Variants in RSPO3 observed in about 807,000 individuals in gnomAD.
The protein encoded by RSPO3 is R-spondin-3.
In RSPO3, 17 loss-of-function variants were observed where a neutral mutation model predicts 36.5. The ratio of observed to expected loss-of-function variants is 0.47; its 90% CI spans 0.32 to 0.70. RSPO3 has a LOEUF of 0.70. Among genes scored for constraint, RSPO3 ranks in the 30% least tolerant of loss-of-function variants. The probability of loss-of-function intolerance (pLI) is 0.04; values close to 1 mark genes in which losing one functional copy is unlikely to be tolerated. For missense variants in RSPO3, 294 were observed against 322.5 expected, an observed-to-expected ratio of 0.91 and a Z score of 0.68; for synonymous variants, 108 against 107.0, an observed-to-expected ratio of 1.01 and a Z score of -0.06.
intron 4 of RSPO3, among the ~76,000 whole-genome samples, chr6:127,174,521 G>GAT (rs1409457014): frequency 2.6e-5 from 4 of 151,856 alleles, no homozygotes; most frequent in African/African-American, 9.7e-5. Context: ...GATACATTAA[G>GAT]AAACTGCTTC....
chr6:127,148,847 C>T lies in RSPO3; in HGVS notation c.289+8C>T. ...ATATAAATAAGTGTACAAGTAAGTG[C>T]CCACACGAAATTGTATTTTTATCTC... On this transcript the variant is annotated splice_region_variant and intron_variant, in intron 2 of 4. Transcript: ENST00000356698. 1.9e-6 allele frequency: 3 copies of T among 1,594,952 alleles called. No homozygotes were observed. The highest frequency in any genetic ancestry group is 2.6e-6 in the Non-Finnish European group (3 of 1,167,674).
chr6:127,195,195 C>G (rs1775490055), intron 4 of RSPO3, among the ~76,000 whole-genome samples: 1 of 152,008 alleles, frequency 6.6e-6, no homozygotes, highest in Non-Finnish European at 1.5e-5. Flanking sequence ...GAGATAGAAT[C>G]TCCCTCTCTT....
chr6:127,163,201 T>C (rs1049756289), intron 4 of RSPO3, among the ~76,000 whole-genome samples: 2 of 152,090 alleles, frequency 1.3e-5, no homozygotes, highest in African/African-American at 2.4e-5. Flanking sequence ...AAAGTAAATA[T>C]TTCTCCAGCA....
rs1410182704 is a variant in RSPO3 at position 127,196,304 on chromosome 6, T to C, written c.*297T>C. The C allele has an allele frequency of 4.9e-6, 1 of 203,392 alleles. No homozygotes were observed. The highest frequency in any genetic ancestry group is 9.1e-5 in the East Asian group (1 of 11,012). 12.6% of individuals were successfully genotyped at this position (203,392 alleles called of 1,614,324 possible). On this transcript the variant is annotated 3_prime_UTR_variant, in exon 5 of 5. Coordinates refer to ENST00000356698, the MANE Select transcript of RSPO3 (RefSeq NM_032784.5). ...AAGATGTAACAACGAAATGATGACATCTGGAGAAGAAACATCTTTTCCTTA... is the reference window on the plus strand; with the variant it reads ...AAGATGTAACAACGAAATGATGACACCTGGAGAAGAAACATCTTTTCCTTA...
At chr6:127,161,214 AC>A (rs1774703788) in intron 4 of RSPO3, among the ~76,000 whole-genome samples, 2 of 152,112 alleles carry the variant, frequency 1.3e-5, no homozygotes, top group African/African-American at 2.4e-5. Flanking sequence ...GAAGACATGC[AC>A]AATTGACTCC....
chr6:127,192,592 G>A, intron 4 of RSPO3: 1 of 892,684 alleles, frequency 1.1e-6, no homozygotes. Context: ...GATTGTACTT[G>A]ACTGCTAATA....
intron 4 of RSPO3, among the ~76,000 whole-genome samples, chr6:127,185,786 T>G (rs749273946): frequency 1.3e-5 from 2 of 152,110 alleles, no homozygotes; most frequent in Non-Finnish European, 2.9e-5. Flanking sequence ...AACTAGTGCA[T>G]AACATGATGA....
At chr6:127,157,839 T>C (rs958976511) in intron 4 of RSPO3, among the ~76,000 whole-genome samples, 2 of 151,836 alleles carry the variant, frequency 1.3e-5, no homozygotes, top group Non-Finnish European at 2.9e-5. Context: ...TTGTTATTTC[T>C]CTAATCCTCC....
chr6:127,170,205 A>G (rs1774908247), intron 4 of RSPO3, among the ~76,000 whole-genome samples: 2 of 151,814 alleles, frequency 1.3e-5, no homozygotes, highest in Admixed American at 6.6e-5. Flanking sequence ...AGATGCTTAC[A>G]AGATGAGAAA....
At chr6:127,167,751 C>A (rs1415368008) in intron 4 of RSPO3, among the ~76,000 whole-genome samples, 1 of 151,914 alleles carries the variant, frequency 6.6e-6, no homozygotes, top group African/African-American at 2.4e-5. Context: ...CTAATGCTAT[C>A]CCTCCCCCAT....
At chr6:127,187,046 T>A (rs1430544037) in intron 4 of RSPO3, among the ~76,000 whole-genome samples, 1 of 152,158 alleles carries the variant, frequency 6.6e-6, no homozygotes, top group African/African-American at 2.4e-5. Context: ...TTCCATAGAC[T>A]CACGCATATT....
At chr6:127,119,968 G>C (rs1324700740) in intron 1 of RSPO3, 2 of 152,730 alleles carry the variant, frequency 1.3e-5, no homozygotes, top group Non-Finnish European at 2.9e-5. Context: ...GGGAGCCGGA[G>C]GTGCGGAGTT....
intron 1 of RSPO3, among the ~76,000 whole-genome samples, chr6:127,125,797 C>A: frequency 6.6e-6 from 1 of 152,128 alleles, no homozygotes. Flanking sequence ...TCTACCCCAT[C>A]TTGTCCTTAG....
At chr6:127,187,770 A>G (rs1240271432) in intron 4 of RSPO3, among the ~76,000 whole-genome samples, 1 of 152,200 alleles carries the variant, frequency 6.6e-6, no homozygotes, top group Non-Finnish European at 1.5e-5. Flanking sequence ...AAAGCAGTTG[A>G]TACAAGAGAA....
At chr6:127,171,190 A>G (rs1213066658) in intron 4 of RSPO3, among the ~76,000 whole-genome samples, 2 of 151,828 alleles carry the variant, frequency 1.3e-5, no homozygotes, top group African/African-American at 4.8e-5. Flanking sequence ...AGTTATAATC[A>G]TGGTAAAATC....
At chr6:127,194,372 G>C (rs570284643) in intron 4 of RSPO3, among the ~76,000 whole-genome samples, 45 of 152,266 alleles carry the variant, frequency 3.0e-4, no homozygotes, top group Non-Finnish European at 4.9e-4. Context: ...TACACATTCA[G>C]AATTTGTCAT....
intron 4 of RSPO3, among the ~76,000 whole-genome samples, chr6:127,169,955 T>A (rs911015052): frequency 6.6e-6 from 1 of 151,868 alleles, no homozygotes; most frequent in African/African-American, 2.4e-5. Context: ...CTCCCTTCAA[T>A]AAAATGGCTA....
intron 1 of RSPO3, among the ~76,000 whole-genome samples, chr6:127,143,622 A>T (rs1394130597): frequency 6.6e-6 from 1 of 152,190 alleles, no homozygotes; most frequent in East Asian, 1.9e-4. Flanking sequence ...ATTAGTCTAA[A>T]GTCTACTAAA....
intron 4 of RSPO3, among the ~76,000 whole-genome samples, chr6:127,174,530 T>A (rs1775008551): frequency 6.6e-6 from 1 of 151,812 alleles, no homozygotes; most frequent in Admixed American, 6.6e-5. Context: ...AGAAACTGCT[T>A]CTGTGCTAGC....
Sources: allele counts gnomAD v4.1 joint callset (sites outside exome capture counted in the v4.1 genomes callset), GRCh38; gene constraint gnomAD v4.1.1; transcripts MANE v1.5; gene names NCBI Gene and HGNC (gene_info 2026-07-23, HGNC 2026-07-21).